The following ANKMY1 variants were observed in gnomAD, a reference collection of about 807,000 sequenced individuals.
ANKMY1 encodes ankyrin repeat and MYND domain containing 1.
In ANKMY1, 98 loss-of-function variants were observed where a neutral mutation model predicts 102.0. That is an observed-to-expected ratio of 0.96 (90% CI 0.82 to 1.14). The LOEUF is 1.14. ANKMY1 is among the 50% of genes most tolerant of loss of function. The probability of loss-of-function intolerance (pLI) is 0.00; values close to 1 mark genes in which losing one functional copy is unlikely to be tolerated. For missense variants in ANKMY1, 1,330 were observed against 1,347.6 expected, an observed-to-expected ratio of 0.99 and a Z score of 0.20; for synonymous variants, 582 against 559.9, an observed-to-expected ratio of 1.04 and a Z score of -0.56.
At chr2:240,551,066 G>A (rs2091430944) in intron 4 of ANKMY1, among the ~76,000 whole-genome samples, 1 of 151,998 alleles carries the variant, frequency 6.6e-6, no homozygotes, top group South Asian at 2.1e-4. Context: ...AGGCTGATGT[G>A]TTCATAAACA....
In ANKMY1 at chr2:240,529,265, T is replaced by C. The variant is rs772903903; in HGVS notation, c.725A>G (p.Tyr242Cys). 9.3e-6 allele frequency: 15 copies of C among 1,614,120 alleles called. No individual in the cohort carries two copies. The highest frequency in any genetic ancestry group is 1.6e-4 in the Middle Eastern group (1 of 6,062). Residue 242 changes from tyrosine to cysteine, a missense_variant, in exon 5 of 18, where the codon TAT becomes TGT. Physicochemically the swap from Tyr to Cys is radical, Grantham distance 194. Transcript: ENST00000401804. This position sits in a 1 kb window ranked among gnomAD's most constrained non-coding sequence, Gnocchi z 4.2. ...ATTCAGAAGAAACCGCTTATAGTCA[T>C]AGAAAAAGGGATCCTGTCCCTCCTG... ...GLQEGQDPFF[Y>C]DYKRFLLNDN...
chr2:240,513,057 C>T, intron 9 of ANKMY1, 115 bp from the exon 10 acceptor site: 1 of 1,401,952 alleles, frequency 7.1e-7, no homozygotes, highest in Non-Finnish European at 9.5e-7. Context: ...GGGCACCATT[C>T]TCAGCCTCAC....
At position 240,535,946 on chromosome 2, in the gene ANKMY1, A is replaced by C. The variant is rs149764562; in HGVS notation, c.481-6437T>G. Among the ~76,000 whole-genome samples the C allele has an allele frequency of 3.9e-5, 6 of 152,244 alleles. No individual in the cohort carries two copies. The East Asian group carries it at 1.2e-3, about 29-fold the overall frequency. ...CTGCAAAATGCATATTCTTTTCATAAATACAAAAACATTTAAAAAGTTGGC... is the reference window on the plus strand; with the variant it reads ...CTGCAAAATGCATATTCTTTTCATACATACAAAAACATTTAAAAAGTTGGC... On this transcript the variant is annotated intron_variant, in intron 4 of 17. Coordinates refer to ENST00000401804, the MANE Select transcript of ANKMY1 (RefSeq NM_001282771.3).
chr2:240,552,548 T>C (rs1441817642), intron 4 of ANKMY1, among the ~76,000 whole-genome samples: 2 of 152,238 alleles, frequency 1.3e-5, no homozygotes, highest in East Asian at 1.9e-4. Flanking sequence ...CTGTAAATTA[T>C]ACTGTAATAA....
At position 240,520,948 on chromosome 2, in the gene ANKMY1, ACACACACAC is replaced by A. The variant is rs1201202405; in HGVS notation, c.1833-424_1833-416del. On this transcript the variant is annotated intron_variant, in intron 8 of 17. Coordinates refer to ENST00000401804, the MANE Select transcript of ANKMY1 (RefSeq NM_001282771.3). This position sits in a 1 kb window ranked among gnomAD's most constrained non-coding sequence, Gnocchi z 4.8. ...CATACAGCACACAACCACACAAACCACACACACACCACACACACCACTCACACCACAAAG... is the reference window on the plus strand; with the variant it reads ...CATACAGCACACAACCACACAAACCACACACACACCACTCACACCACAAAG... Among the ~76,000 whole-genome samples, 20 of 151,290 alleles carry A rather than the reference ACACACACAC, an allele frequency of 1.3e-4. No individual in the cohort carries two copies. Among genetic ancestry groups the A allele is most frequent in the South Asian group, 2.1e-4 (1 of 4,786 alleles).
chr2:240,536,979 C>G (rs1174490554), intron 4 of ANKMY1, among the ~76,000 whole-genome samples: 3 of 152,178 alleles, frequency 2.0e-5, no homozygotes, highest in Non-Finnish European at 2.9e-5. Flanking sequence ...CTTGCTTCAG[C>G]CTCCCAAAGT....
downstream of ANKMY1, among the ~76,000 whole-genome samples, chr2:240,475,773 A>G (rs1574823935): frequency 6.6e-6 from 1 of 151,918 alleles, no homozygotes; most frequent in Non-Finnish European, 1.5e-5. Flanking sequence ...TTTAGAATAT[A>G]TACTGAATAC....
chr2:240,554,898 C>G lies in ANKMY1; in HGVS notation c.304G>C (p.Gly102Arg). 1.2e-6 allele frequency: 2 copies of G among 1,614,134 alleles called. No homozygotes were observed. Among genetic ancestry groups the G allele is most frequent in the Non-Finnish European group, 1.7e-6 (2 of 1,180,006 alleles). The change falls in exon 3 of 18, where the codon GGA (glycine) becomes CGA (arginine). Residue 102 changes from glycine to arginine, a missense_variant. By Grantham distance (125) the Gly-to-Arg change is moderately radical. Transcript: ENST00000401804. ...GTGGGCCAAGAGAATTTGCCATATC[C>G]AAGCTTCATGTTCAACCCAAACTCC... is the stretch of plus-strand genomic sequence containing the variant. Reference protein sequence around the residue: ...QGEFGLNMKLGYGKFSWPTGE... With the variant: ...QGEFGLNMKLRYGKFSWPTGE...
chr2:240,479,708 C>T (rs1389917495), intron 17 of ANKMY1, 53 bp from the exon 18 acceptor site: 8 of 1,549,350 alleles, frequency 5.2e-6, no homozygotes, highest in East Asian at 2.2e-5. Flanking sequence ...GAGCTGGCCT[C>T]CCCCGAGGCC....
intron 4 of ANKMY1, among the ~76,000 whole-genome samples, chr2:240,552,446 G>A (rs1373563259): frequency 6.6e-6 from 1 of 152,156 alleles, no homozygotes; most frequent in Non-Finnish European, 1.5e-5. Context: ...GAGGGTGATG[G>A]AACTGTTTGT....
At chr2:240,468,979 G>GCTC in the ANKMY1 span, among the ~76,000 whole-genome samples, 5 of 152,332 alleles carry the variant, frequency 3.3e-5, no homozygotes, top group South Asian at 1.0e-3. Context: ...CAGAGGCCCG[G>GCTC]CTCCTCCCCT....
At chr2:240,543,074 G>A (rs904653194) in intron 4 of ANKMY1, among the ~76,000 whole-genome samples, 2 of 152,136 alleles carry the variant, frequency 1.3e-5, no homozygotes, top group East Asian at 3.9e-4. Context: ...AATAGGCTGG[G>A]CACAGTGGCT....
intron 8 of ANKMY1, 154 bp downstream of exon 8, chr2:240,523,731 T>C: frequency 7.8e-7 from 1 of 1,278,728 alleles, no homozygotes; most frequent in Non-Finnish European, 1.1e-6. Context: ...GGCCATGGCG[T>C]GGAGCCACCG....
In ANKMY1 at chr2:240,488,604, T is replaced by C. The variant is rs182708021; in HGVS notation, c.2807-6343A>G. On this transcript the variant is annotated intron_variant, in intron 15 of 17. Transcript: ENST00000401804. ...TATTAATTCTTCCAACCCATGAACA[T>C]GGGATGTCTTTCCATTTTTTTGTGT... Among the ~76,000 whole-genome samples, 33 of 152,344 alleles carry C rather than the reference T, an allele frequency of 2.2e-4. 1 individual carries two copies.
chr2:240,480,028 G>A (rs1279379544), intron 17 of ANKMY1, among the ~76,000 whole-genome samples: 2 of 152,106 alleles, frequency 1.3e-5, no homozygotes, highest in Non-Finnish European at 2.9e-5. Flanking sequence ...TGGCTAACAC[G>A]GTGAAACCAC....
At chr2:240,525,940 A>G (rs1270564844) in intron 6 of ANKMY1, 91 bp from the exon 7 acceptor site, 8 of 1,464,950 alleles carry the variant, frequency 5.5e-6, no homozygotes, top group Non-Finnish European at 7.5e-6. Flanking sequence ...TCATGAGGCC[A>G]CCCTATGGCA....
chr2:240,510,070 C>T (rs1288082705), intron 11 of ANKMY1, among the ~76,000 whole-genome samples: 1 of 145,202 alleles, frequency 6.9e-6, no homozygotes, highest in Non-Finnish European at 1.5e-5. Context: ...CATTCTTGCC[C>T]TCCCTGCCTC....
At chr2:240,518,318 A>G (rs955869445) in intron 9 of ANKMY1, among the ~76,000 whole-genome samples, 14 of 151,790 alleles carry the variant, frequency 9.2e-5, no homozygotes, top group Non-Finnish European at 1.5e-5. Flanking sequence ...GAGACCCTAG[A>G]CCCCTCACCC....
chr2:240,482,128 T>C, intron 16 of ANKMY1, 55 bp downstream of exon 16: 3 of 1,583,186 alleles, frequency 1.9e-6, no homozygotes, highest in South Asian at 2.3e-5. Flanking sequence ...ACAACAGCAC[T>C]GTCCAAACCA....
Sources: gnomAD v4.1 joint callset for allele counts (sites outside exome capture counted in the v4.1 genomes callset) on GRCh38, gnomAD v4.1.1 for gene constraint, Gnocchi (gnomAD v3.1) non-coding constraint, MANE v1.5 for transcripts, NCBI Gene and HGNC (gene_info 2026-07-23, HGNC 2026-07-21) for gene names.